KIAA1217: variants seen among roughly 807,000 people sequenced by gnomAD.
KIAA1217 encodes KIAA1217, also known as sickle tail protein homolog.
In KIAA1217, 88 loss-of-function variants were observed where a neutral mutation model predicts 163.9. The ratio of observed to expected loss-of-function variants is 0.54; its 90% confidence interval spans 0.45 to 0.64. The LOEUF (loss-of-function observed/expected upper bound fraction) is 0.64, where lower values mean the gene tolerates loss of function less well. Among genes scored for constraint, KIAA1217 ranks in the 30% least tolerant of loss-of-function variants. KIAA1217 has a pLI of 0.00. For synonymous variants in KIAA1217, 903 were observed against 923.1 expected (o/e 0.98, Z 0.39); for missense variants, 2,372 against 2,475.0 (o/e 0.96, Z 0.88).
chr10:23,815,595 G>A (rs185441352), intron 1 of KIAA1217, among the ~76,000 whole-genome samples: 1,787 of 152,308 alleles, frequency 0.012, 29 homozygotes, highest in African/African-American at 0.041. Flanking sequence ...AGTGAGCTGA[G>A]ATCAGGCCAC....
intron 2 of KIAA1217, among the ~76,000 whole-genome samples, chr10:24,134,995 A>T (rs2063781429): frequency 6.6e-6 from 1 of 152,132 alleles, no homozygotes; most frequent in African/African-American, 2.4e-5. Context: ...TGAAGGTAGT[A>T]CCCTCAGCTT....
intron 1 of KIAA1217, among the ~76,000 whole-genome samples, chr10:23,744,007 A>G (rs1328383405): frequency 6.6e-6 from 1 of 152,198 alleles, no homozygotes; most frequent in Non-Finnish European, 1.5e-5. Flanking sequence ...CAGGGCTGGA[A>G]GGAGAGATAG....
At chr10:24,167,290 T>C (rs1819071614) in intron 2 of KIAA1217, among the ~76,000 whole-genome samples, 2 of 137,554 alleles carry the variant, frequency 1.5e-5, no homozygotes, top group South Asian at 2.3e-4. Context: ...TGTGCGTGTG[T>C]GTGTGTGTGT....
rs185088002 is a variant in KIAA1217 at position 24,176,478 on chromosome 10, C to T, written c.-170-43148C>T. 1.6e-3 allele frequency among the ~76,000 whole-genome samples: 238 copies of T among 152,260 alleles called. 2 individuals are homozygous for T. Among genetic ancestry groups the T allele is most frequent in the Non-Finnish European group, 2.9e-3 (199 of 68,032 alleles). On this transcript the variant is annotated intron_variant, in intron 2 of 18. Coordinates refer to the KIAA1217 transcript ENST00000376462. Reference sequence around the variant, plus strand: ...GACATGAAAGTTCTCCAAGTCCCCACTAGATTAGCTAGACACAGAGCACTG... The same window carrying T: ...GACATGAAAGTTCTCCAAGTCCCCATTAGATTAGCTAGACACAGAGCACTG...
At chr10:23,937,419 A>C (rs994722391) in intron 1 of KIAA1217, among the ~76,000 whole-genome samples, 1 of 152,022 alleles carries the variant, frequency 6.6e-6, no homozygotes, top group Non-Finnish European at 1.5e-5. Flanking sequence ...CAAGGCTCCA[A>C]ATTCCCTGTG....
chr10:24,111,829 G>A (rs2062857642), intron 2 of KIAA1217, among the ~76,000 whole-genome samples: 1 of 152,156 alleles, frequency 6.6e-6, no homozygotes, highest in African/African-American at 2.4e-5. Context: ...ATGCAGTGGT[G>A]TGAACACAGT....
At position 23,722,487 on chromosome 10, in the gene KIAA1217, T is replaced by C. The variant is rs1837925446; in HGVS notation, c.-321+27253T>C. Among the ~76,000 whole-genome samples, 3 of 152,186 alleles carry C rather than the reference T, an allele frequency of 2.0e-5. No individual in the cohort carries two copies. The South Asian group carries it at 6.2e-4, about 31-fold the overall frequency. On this transcript the variant is annotated intron_variant, in intron 1 of 18. Coordinates refer to the KIAA1217 transcript ENST00000376462. ...CTTTAATTAGGATAAACACTTAGTGTCTTGTTAGAGAAAAAATCCTTGCCT... is the reference window on the plus strand; with the variant it reads ...CTTTAATTAGGATAAACACTTAGTGCCTTGTTAGAGAAAAAATCCTTGCCT...
intron 1 of KIAA1217, among the ~76,000 whole-genome samples, chr10:23,736,789 G>A (rs770560650): frequency 6.6e-6 from 1 of 152,064 alleles, no homozygotes; most frequent in Non-Finnish European, 1.5e-5. Flanking sequence ...GCCTCCCAAA[G>A]TGCTGAGATT....
chr10:24,524,787 C>A, intron 13 of KIAA1217, 23 bp downstream of exon 13: 1 of 1,548,118 alleles, frequency 6.5e-7, no homozygotes, highest in South Asian at 1.2e-5. Flanking sequence ...TTCTGTTTCT[C>A]ATAACCCCAT....
At chr10:24,449,810 T>C in intron 5 of KIAA1217, 1 of 908,548 alleles carries the variant, frequency 1.1e-6, no homozygotes, top group Non-Finnish European at 1.3e-6. Flanking sequence ...TAGAATCTTT[T>C]TTCATGCTCT....
chr10:23,994,241 G>A (rs1367096255), intron 1 of KIAA1217, among the ~76,000 whole-genome samples: 2 of 152,168 alleles, frequency 1.3e-5, no homozygotes, highest in Non-Finnish European at 2.9e-5. Context: ...AGCTGAACAT[G>A]ACCTCAATGG....
chr10:24,517,037 G>A (rs1452205273), intron 10 of KIAA1217, among the ~76,000 whole-genome samples: 2 of 151,910 alleles, frequency 1.3e-5, no homozygotes, highest in Non-Finnish European at 2.9e-5. Flanking sequence ...ATAAACCCTA[G>A]CCGATCATGG....
chr10:24,044,895 T>G (rs966209532), intron 2 of KIAA1217, among the ~76,000 whole-genome samples: 3 of 152,112 alleles, frequency 2.0e-5, no homozygotes, highest in South Asian at 2.1e-4. Context: ...TTTTTCTAGA[T>G]GCTTTTCTCT....
At chr10:23,929,324 T>A (rs143162850) in intron 1 of KIAA1217, among the ~76,000 whole-genome samples, 1 of 152,302 alleles carries the variant, frequency 6.6e-6, no homozygotes, top group East Asian at 1.9e-4. Flanking sequence ...ATTTTTTATT[T>A]TTTTTTATTT....
intron 2 of KIAA1217, among the ~76,000 whole-genome samples, chr10:24,333,302 G>A (rs887338300): frequency 5.3e-5 from 8 of 152,186 alleles, no homozygotes; most frequent in Non-Finnish European, 1.2e-4. Context: ...TGGGATTACA[G>A]GCATGAGCCA....
chr10:24,464,355 C>CA (rs1318413017), intron 5 of KIAA1217, among the ~76,000 whole-genome samples: 2 of 152,160 alleles, frequency 1.3e-5, no homozygotes, highest in African/African-American at 2.4e-5. Context: ...GTGAACCTGG[C>CA]AGGAAGGAAG....
intron 1 of KIAA1217, among the ~76,000 whole-genome samples, chr10:23,779,705 C>G (rs1835169012): frequency 6.6e-6 from 1 of 152,070 alleles, no homozygotes; most frequent in Non-Finnish European, 1.5e-5. Context: ...TTCTTTCACT[C>G]CAGATATTCA....
intron 2 of KIAA1217, among the ~76,000 whole-genome samples, chr10:24,174,339 T>G (rs1589771810): frequency 6.6e-6 from 1 of 152,180 alleles, no homozygotes; most frequent in Non-Finnish European, 1.5e-5. Flanking sequence ...TCTGCACATC[T>G]CAGCATCCAC....
At chr10:24,463,684 G>A (rs992132603) in intron 5 of KIAA1217, among the ~76,000 whole-genome samples, 4 of 152,190 alleles carry the variant, frequency 2.6e-5, no homozygotes, top group Admixed American at 1.3e-4. Context: ...ATATGAAAGG[G>A]AAAATAGGAA....
Sources: allele counts gnomAD v4.1 joint callset (sites outside exome capture counted in the v4.1 genomes callset), GRCh38; gene constraint gnomAD v4.1.1; transcripts MANE v1.5; gene names NCBI Gene and HGNC (gene_info 2026-07-23, HGNC 2026-07-21).